Variants in GPRC5D observed in about 807,000 individuals in gnomAD.
GPRC5D encodes the protein G protein-coupled receptor class C group 5 member D, also known as G protein-coupled receptor family C group 5 member D.
GPRC5D carries 20 observed loss-of-function variants against 29.3 expected under a neutral mutation model. The ratio of observed to expected loss-of-function variants is 0.68; its 90% CI spans 0.48 to 0.99. The LOEUF (loss-of-function observed/expected upper bound fraction) is 0.99, where lower values mean the gene tolerates loss of function less well. Ranked by LOEUF, GPRC5D falls within the 50% of genes least tolerant of loss-of-function variation. GPRC5D has a pLI of 0.00. For synonymous variants in GPRC5D, 178 were observed against 171.3 expected (o/e 1.04, Z -0.30); for missense variants, 384 against 423.6 (o/e 0.91, Z 0.82).
intron 1 of GPRC5D, among the ~76,000 whole-genome samples, chr12:12,944,068 G>T (rs1217596377): frequency 1.3e-5 from 2 of 151,970 alleles, no homozygotes; most frequent in Non-Finnish European, 2.9e-5. Flanking sequence ...GCCCGATTCT[G>T]CACTCTTTCC....
chr12:12,945,639 C>T (rs1863296485), intron 1 of GPRC5D, among the ~76,000 whole-genome samples: 1 of 152,084 alleles, frequency 6.6e-6, no homozygotes, highest in African/African-American at 2.4e-5. Context: ...ATAACATAAT[C>T]CCAGGATCAT....
At chr12:12,952,167 G>A (rs1863514137), upstream of GPRC5D, 1 of 152,146 alleles carries the variant, frequency 6.6e-6, no homozygotes, top group Non-Finnish European at 1.5e-5. Flanking sequence ...AACTGCCAAT[G>A]AGTAAGAAAG....
intron 1 of GPRC5D, among the ~76,000 whole-genome samples, chr12:12,946,355 T>C (rs964268939): frequency 3.3e-5 from 5 of 150,610 alleles, no homozygotes; most frequent in African/African-American, 1.2e-4. Context: ...CTTTCTTTCT[T>C]TCTTTCTTTC....
intron 2 of GPRC5D, among the ~76,000 whole-genome samples, chr12:12,942,016 A>G (rs1259121719): frequency 2.6e-5 from 4 of 152,190 alleles, no homozygotes; most frequent in Non-Finnish European, 5.9e-5. Flanking sequence ...AGGGACACGC[A>G]CTTGCATCAG....
chr12:12,944,943 CT>C (rs368447772), intron 1 of GPRC5D, among the ~76,000 whole-genome samples: 88 of 8,014 alleles, frequency 0.011, 6 homozygotes, highest in Non-Finnish European at 0.08. Context: ...TCTTCCCTTT[CT>C]TTCCTTTTCT....
chr12:12,944,939 C>CTTTCTTTCCT (rs149666065), intron 1 of GPRC5D, among the ~76,000 whole-genome samples: 23 of 124,918 alleles, frequency 1.8e-4, no homozygotes, highest in African/African-American at 6.4e-4. Flanking sequence ...CTTTTCTTCC[C>CTTTCTTTCCT]TTTCTTTCCT....
intron 2 of GPRC5D, 77 bp from the exon 4 acceptor site, chr12:12,940,926 T>G (rs1394352813): frequency 9.9e-7 from 1 of 1,009,226 alleles, no homozygotes; most frequent in Admixed American, 1.7e-5. Context: ...TGTTTTTGTT[T>G]TTTGAGACAG....
intron 1 of GPRC5D, among the ~76,000 whole-genome samples, chr12:12,944,853 C>T (rs1863257677): frequency 1.5e-5 from 1 of 67,214 alleles, no homozygotes; most frequent in East Asian, 5.7e-4. Context: ...TTCCTTCCTT[C>T]TTTCTTTCTT....
In GPRC5D at chr12:12,944,825, CCT is replaced by C. The variant is rs1565477143; in HGVS notation, c.896-2499_896-2498del. On this transcript the variant is annotated intron_variant, in intron 1 of 2. Coordinates refer to ENST00000228887, the Ensembl canonical transcript of GPRC5D. ...CCCTTCCTTCCTTCCTTCCTTCCTT[CCT>C]TCCTTCCTTCCTTCCTTCCTTCCTT... Among the ~76,000 whole-genome samples, 85 of 12,112 alleles carry C rather than the reference CCT, an allele frequency of 7.0e-3. 6 individuals are homozygous for C. The highest frequency in any genetic ancestry group is 0.02 in the East Asian group (5 of 254). The allele number at this position is 12,112 out of a possible 152,430, so 7.9% of individuals were successfully genotyped here.
At chr12:12,950,030 G>A (rs771765989) in exon 1 of GPRC5D, 26 of 1,613,870 alleles carry the variant, frequency 1.6e-5, no homozygotes, top group East Asian at 6.7e-5. Flanking sequence ...ACACAACCCC[G>A]AACCAGCTTC....
chr12:12,945,828 G>A (rs1863301532), intron 1 of GPRC5D, among the ~76,000 whole-genome samples: 1 of 152,186 alleles, frequency 6.6e-6, no homozygotes, highest in African/African-American at 2.4e-5. Context: ...GTGAGAGGAT[G>A]TATCTATATT....
intron 1 of GPRC5D, chr12:12,948,585 T>C (rs1490791267): frequency 6.5e-6 from 1 of 154,242 alleles, no homozygotes; most frequent in Non-Finnish European, 1.5e-5. Context: ...CAGATGCCTA[T>C]TAAGACACAA....
At chr12:12,946,541 G>A (rs1863351846) in intron 1 of GPRC5D, among the ~76,000 whole-genome samples, 1 of 148,858 alleles carries the variant, frequency 6.7e-6, no homozygotes, top group African/African-American at 2.5e-5. Context: ...TGCAACCTCT[G>A]CCTCCCAGGT....
At chr12:12,944,842 C>CT (rs1491142836) in intron 1 of GPRC5D, among the ~76,000 whole-genome samples, 7 of 24,674 alleles carry the variant, frequency 2.8e-4, no homozygotes, top group African/African-American at 7.0e-4. Context: ...TCCTTCCTTC[C>CT]TTCCTTCCTT....
At chr12:12,950,094 C>A in exon 1 of GPRC5D, 1 of 1,613,970 alleles carries the variant, frequency 6.2e-7, no homozygotes, top group Middle Eastern at 1.6e-4. Flanking sequence ...CAAAGAGAAC[C>A]CCAAAGAGAA....
At chr12:12,949,978 C>G (rs890853403) in exon 1 of GPRC5D, 2 of 1,613,948 alleles carry the variant, frequency 1.2e-6, no homozygotes, top group African/African-American at 2.7e-5. Flanking sequence ...CAACAGACTG[C>G]AACCAATAGC....
intron 1 of GPRC5D, chr12:12,948,337 AG>A (rs1321014447): frequency 1.3e-5 from 2 of 153,286 alleles, no homozygotes; most frequent in Non-Finnish European, 2.9e-5. Context: ...TATGGGAAAA[AG>A]TGTGTAGTAT....
intron 1 of GPRC5D, among the ~76,000 whole-genome samples, chr12:12,942,864 G>A (rs139678530): frequency 7.0e-4 from 107 of 152,360 alleles, no homozygotes; most frequent in Non-Finnish European, 1.2e-3. Context: ...GCGCATTGGC[G>A]TTGGGAGACC....
chr12:12,948,557 A>T (rs1863411188), intron 1 of GPRC5D: 1 of 154,224 alleles, frequency 6.5e-6, no homozygotes, highest in South Asian at 2.0e-4. Context: ...TACATATTAG[A>T]AATAAAATGT....
Sources: allele counts gnomAD v4.1 joint callset (sites outside exome capture counted in the v4.1 genomes callset), GRCh38; gene constraint gnomAD v4.1.1; transcripts MANE v1.5; gene names NCBI Gene and HGNC (gene_info 2026-07-23, HGNC 2026-07-21).